The following CCDC13 variants were observed in gnomAD, a reference collection of about 807,000 sequenced individuals.
The protein encoded by CCDC13 is coiled-coil domain containing 13.
Under a neutral mutation model 87.3 loss-of-function variants are expected in CCDC13, and 70 were observed. The observed-to-expected ratio is 0.80, with a 90% confidence interval of 0.66 to 0.98. The LOEUF (loss-of-function observed/expected upper bound fraction) is 0.98. Among genes scored for constraint, CCDC13 ranks in the 50% least tolerant of loss-of-function variants. The pLI, the probability that CCDC13 is intolerant of heterozygous loss-of-function variation, is 0.00. For missense variants in CCDC13, 842 were observed against 892.0 expected, an observed-to-expected ratio of 0.94 and a Z score of 0.71; for synonymous variants, 317 against 360.3, an observed-to-expected ratio of 0.88 and a Z score of 1.36.
rs772319974 is a variant in CCDC13, at chr3:42,735,794, G to A, written c.1284C>T (p.Ser428=). Residue 428 remains serine, a synonymous_variant, in exon 10 of 16, where the codon AGC becomes AGT. Coordinates refer to ENST00000310232, the MANE Select transcript of CCDC13 (RefSeq NM_144719.4). ...CCATGGCCTGCAGCTGGGCGACTAG[G>A]CTGTTGCTCCGCTGAGCCTCGCTGT... ...QLNSEAQRSN[S]LVAQLQAMVA... 3.1e-5 allele frequency: 50 copies of A among 1,614,134 alleles called. No homozygotes were observed. Among genetic ancestry groups the A allele is most frequent in the Non-Finnish European group, 4.1e-5 (48 of 1,180,050 alleles).
chr3:42,764,954 T>C (rs1699902468), intron 1 of CCDC13, among the ~76,000 whole-genome samples: 1 of 152,224 alleles, frequency 6.6e-6, no homozygotes, highest in African/African-American at 2.4e-5. Context: ...CTCAACATCT[T>C]GCCCAGAACA....
intron 3 of CCDC13, among the ~76,000 whole-genome samples, chr3:42,756,147 G>T (rs1249163167): frequency 1.3e-5 from 2 of 152,184 alleles, no homozygotes; most frequent in Non-Finnish European, 2.9e-5. Context: ...ACTCTCAAAG[G>T]CAAGGACAAT....
chr3:42,704,382 A>G (rs1052570706), downstream of CCDC13: 1 of 152,248 alleles, frequency 6.6e-6, no homozygotes, highest in Non-Finnish European at 1.5e-5. Context: ...AATTTACTTG[A>G]CCCTGAGCTG....
Position 42,709,764 on chromosome 3 carries a change from G to T in CCDC13, c.1908C>A (p.Thr636=). The change falls in exon 15 of 16, where the codon ACC becomes ACA. Residue 636 remains threonine, a synonymous_variant. Coordinates refer to ENST00000310232, the MANE Select transcript of CCDC13 (RefSeq NM_144719.4). ...AGGATGGGTCCTTCTTCTCGCTCCC[G>T]GTTGGGTTGTGCCTGTTGTTAGAGG... is the stretch of plus-strand genomic sequence containing the variant. The part of the protein sequence containing the change: ...LPTSNNRHNP[T]GSEKKDPSFA... The T allele has an allele frequency of 6.2e-7, 1 of 1,614,172 alleles. No homozygotes were observed. The highest frequency in any genetic ancestry group is 2.2e-5 in the East Asian group (1 of 44,876).
chr3:42,729,957 T>C (rs918178099), intron 13 of CCDC13, among the ~76,000 whole-genome samples: 1 of 152,222 alleles, frequency 6.6e-6, no homozygotes, highest in African/African-American at 2.4e-5. Context: ...CTGATTTATC[T>C]GAACGGAAGT....
chr3:42,763,610 T>C (rs962585851), intron 1 of CCDC13, among the ~76,000 whole-genome samples: 5 of 151,882 alleles, frequency 3.3e-5, no homozygotes, highest in Non-Finnish European at 5.9e-5. Context: ...GCTCAAGCAA[T>C]TCTCCTGCCT....
chr3:42,768,434 T>A (rs1184740597), intron 1 of CCDC13, among the ~76,000 whole-genome samples: 2 of 152,216 alleles, frequency 1.3e-5, no homozygotes, highest in Non-Finnish European at 2.9e-5. Context: ...TGGTGGCTCA[T>A]GCCTGTAATC....
intron 9 of CCDC13, among the ~76,000 whole-genome samples, chr3:42,738,503 G>C (rs890627834): frequency 1.3e-5 from 2 of 152,218 alleles, no homozygotes; most frequent in African/African-American, 4.8e-5. Context: ...ACTTTGGGCA[G>C]TATGGCCATT....
At chr3:42,749,259 G>A (rs993982511) in intron 5 of CCDC13, among the ~76,000 whole-genome samples, 4 of 152,182 alleles carry the variant, frequency 2.6e-5, no homozygotes, top group South Asian at 2.1e-4. Flanking sequence ...ATGAGCCCCA[G>A]TGGCCCTGAC....
chr3:42,733,430 A>G, intron 11 of CCDC13, 40 bp downstream of exon 11: 2 of 1,611,472 alleles, frequency 1.2e-6, no homozygotes, highest in Non-Finnish European at 1.7e-6. Context: ...CGAATAATTA[A>G]TGTTCACTTT....
At chr3:42,728,985 G>A (rs929680283) in intron 13 of CCDC13, among the ~76,000 whole-genome samples, 6 of 152,174 alleles carry the variant, frequency 3.9e-5, no homozygotes, top group Non-Finnish European at 1.5e-5. Context: ...CATGGAGACA[G>A]AAGCCACATG....
Position 42,752,681 on chromosome 3 carries a change from T to C in CCDC13, c.407A>G (p.Lys136Arg). Residue 136 changes from lysine (K) to arginine (R), a missense_variant, in exon 4 of 16, where the codon AAA becomes AGA. Transcript: ENST00000310232. Reference protein sequence around the residue: ...AGVAGDVVATKIVELSKKNRL... With the variant: ...AGVAGDVVATRIVELSKKNRL... The stretch of plus-strand genomic sequence containing the variant: ...GTTCTTTTTTGATAGCTCCACAATT[T>C]TGGTGGCGACCACGTCTCCGGCTAC... The C allele has an allele frequency of 1.2e-6, 2 of 1,613,982 alleles. No individual in the cohort carries two copies. Among genetic ancestry groups the C allele is most frequent in the Non-Finnish European group, 1.7e-6 (2 of 1,179,980 alleles).
chr3:42,773,105 G>A (rs1247193058), intron 1 of CCDC13, 71 bp downstream of exon 1: 2 of 152,208 alleles, frequency 1.3e-5, no homozygotes, highest in Non-Finnish European at 2.9e-5. Flanking sequence ...CTCGGGCTCG[G>A]TTCCGCGCCC....
chr3:42,735,570 A>T, intron 10 of CCDC13, 137 bp downstream of exon 10: 1 of 834,082 alleles, frequency 1.2e-6, no homozygotes, highest in Non-Finnish European at 2.0e-6. Context: ...GGGGAGCCAG[A>T]TAGAAGCAGG....
chr3:42,709,719 C>T lies in CCDC13; in HGVS notation c.1953G>A (p.Val651=). The change falls in exon 15 of 16, where the codon GTG becomes GTA. Residue 651 remains valine (V), a synonymous_variant. Coordinates refer to ENST00000310232, the MANE Select transcript of CCDC13 (RefSeq NM_144719.4). ...KDPSFAQLSD[V]PVESQMEELT... ...GCTCTTCCATTTGGGATTCCACGGG[C>T]ACATCGGAGAGCTGGGCAAAGGATG... 6.2e-7 allele frequency: 1 copy of T among 1,614,188 alleles called. No homozygotes were observed. Among genetic ancestry groups the T allele is most frequent in the African/African-American group, 1.3e-5 (1 of 75,066 alleles).
rs555512201 is a variant in CCDC13 at position 42,739,781 on chromosome 3, C to G, written c.1017G>C (p.Gln339His). The G allele has an allele frequency of 6.2e-7, 1 of 1,614,184 alleles. No homozygotes were observed. The highest frequency in any genetic ancestry group is 1.1e-5 in the South Asian group (1 of 91,086). ...EKLASERDVL[Q>H]RELEELKKKF... ...TCTTTTTTAGCTCTTCAAGCTCTCT[C>G]TGGAGGACATCCCGTTCACTGGCAA... The change falls in exon 9 of 16, where the codon CAG becomes CAC. Residue 339 changes from glutamine to histidine, a missense_variant. Physicochemically the swap from Gln to His is conservative, Grantham distance 24. Coordinates refer to ENST00000310232, the MANE Select transcript of CCDC13 (RefSeq NM_144719.4).
chr3:42,768,525 T>C (rs941882720), intron 1 of CCDC13, among the ~76,000 whole-genome samples: 2 of 151,618 alleles, frequency 1.3e-5, no homozygotes, highest in African/African-American at 4.8e-5. Flanking sequence ...GGTGAAACCC[T>C]GTCTCTACTG....
rs1698167041 is a variant in CCDC13 at position 42,705,927 on chromosome 3, C to G, written c.*3053G>C. ...TTGCCTCAGGGAGATGTGAAGCCCCCTCTCTACCCAGATCTGATCAAGGAG... is the reference window on the plus strand; with the variant it reads ...TTGCCTCAGGGAGATGTGAAGCCCCGTCTCTACCCAGATCTGATCAAGGAG... On this transcript the variant is annotated 3_prime_UTR_variant, in exon 16 of 16. Coordinates refer to ENST00000310232, the MANE Select transcript of CCDC13 (RefSeq NM_144719.4). The G allele has an allele frequency of 6.6e-6, 1 of 152,314 alleles. No individual in the cohort carries two copies. The highest frequency in any genetic ancestry group is 2.4e-5 in the African/African-American group (1 of 41,450). The allele number at this position is 152,314 out of a possible 1,614,324, so 9.4% of individuals were successfully genotyped here. A position where few individuals can be genotyped will look rare whatever the true frequency, so the allele number is the denominator to read the frequency against.
rs1698202608 is a variant in CCDC13 at position 42,707,405 on chromosome 3, T to G, written c.*1575A>C. Among the ~76,000 whole-genome samples the G allele has an allele frequency of 6.6e-6, 1 of 152,148 alleles. No homozygotes were observed. Among genetic ancestry groups the G allele is most frequent in the African/African-American group, 2.4e-5 (1 of 41,438 alleles). Reference sequence around the variant, plus strand: ...CCCGGTGGCCTTTGCTCTAACTTGCTGTGGGATCTCTAGATCCGTGTGACC... The same window carrying G: ...CCCGGTGGCCTTTGCTCTAACTTGCGGTGGGATCTCTAGATCCGTGTGACC... On this transcript the variant is annotated 3_prime_UTR_variant, in exon 16 of 16. Coordinates refer to ENST00000310232, the MANE Select transcript of CCDC13 (RefSeq NM_144719.4).
Sources: allele counts gnomAD v4.1 joint callset (sites outside exome capture counted in the v4.1 genomes callset), GRCh38; gene constraint gnomAD v4.1.1; transcripts MANE v1.5; gene names NCBI Gene and HGNC (gene_info 2026-07-23, HGNC 2026-07-21).